The following CTNND2 variants were observed in gnomAD, a reference collection of about 807,000 sequenced individuals.
The protein encoded by CTNND2 is catenin delta 2.
CTNND2 carries 22 observed loss-of-function variants against 144.4 expected under a neutral mutation model. The ratio of observed to expected loss-of-function variants is 0.15; its 90% CI spans 0.11 to 0.22. The LOEUF (loss-of-function observed/expected upper bound fraction) is 0.22, where lower values mean the gene tolerates loss of function less well. CTNND2 is among the 10% of genes least tolerant of loss of function. The pLI, the probability that CTNND2 is intolerant of heterozygous loss-of-function variation, is 1.00. For missense variants in CTNND2, 1,353 were observed against 1,618.8 expected (o/e 0.84, Z 2.82); for synonymous variants, 751 against 695.6 (o/e 1.08, Z -1.25).
intron 3 of CTNND2, among the ~76,000 whole-genome samples, chr5:11,447,087 G>C (rs1381068261): frequency 1.3e-5 from 2 of 152,000 alleles, no homozygotes; most frequent in Middle Eastern, 3.4e-3. Flanking sequence ...CCTTCTATAA[G>C]ACACCTTATC....
At chr5:11,133,921 A>C (rs1338217482) in intron 12 of CTNND2, among the ~76,000 whole-genome samples, 3 of 152,212 alleles carry the variant, frequency 2.0e-5, no homozygotes, top group Non-Finnish European at 2.9e-5. Flanking sequence ...AGAATTCTAA[A>C]GACATCTCTC....
chr5:11,600,827 A>T (rs10059423), intron 2 of CTNND2, among the ~76,000 whole-genome samples: 1 of 151,854 alleles, frequency 6.6e-6, no homozygotes. Context: ...ATAGCACAGA[A>T]ATCAGAAGGT....
At chr5:11,138,605 T>C (rs1756391015) in intron 12 of CTNND2, among the ~76,000 whole-genome samples, 1 of 152,222 alleles carries the variant, frequency 6.6e-6, no homozygotes, top group Admixed American at 6.5e-5. Context: ...GCTTGATACC[T>C]TGTCGGGTCT....
intron 16 of CTNND2, among the ~76,000 whole-genome samples, chr5:11,039,389 T>C (rs952566675): frequency 6.6e-6 from 1 of 152,226 alleles, no homozygotes; most frequent in African/African-American, 2.4e-5. Context: ...CTCATCTTGA[T>C]GCTTTTTCTT....
rs1004361746 is a variant in CTNND2 at position 11,547,444 on chromosome 5, C to A, written c.287+17500G>T. Among the ~76,000 whole-genome samples, 10 of 151,770 alleles carry A rather than the reference C, an allele frequency of 6.6e-5. 1 individual carries two copies. The highest frequency in any genetic ancestry group is 3.9e-4 in the Admixed American group (6 of 15,240). On this transcript the variant is annotated intron_variant, in intron 3 of 21. Transcript: ENST00000304623. ...AAGACTGATCAACCTAACATTAAAA[C>A]CAAGCATTCTATTCATCAAAGGACA...
Position 11,271,898 on chromosome 5 carries a change from A to G in CTNND2, c.1629-35075T>C, listed in dbSNP as rs146066377. Among the ~76,000 whole-genome samples the G allele has an allele frequency of 1.1e-4, 17 of 152,238 alleles. 1 individual carries two copies. Among genetic ancestry groups the G allele is most frequent in the Admixed American group, 5.9e-4 (9 of 15,286 alleles). On this transcript the variant is annotated intron_variant, in intron 9 of 21. Coordinates refer to ENST00000304623, the MANE Select transcript of CTNND2 (RefSeq NM_001332.4). ...ACAACTTTTACTGGGTAGGATACAAATTGTGCATCTTAAGCTACAATTCCC... is the reference window on the plus strand; with the variant it reads ...ACAACTTTTACTGGGTAGGATACAAGTTGTGCATCTTAAGCTACAATTCCC...
chr5:11,855,497 T>C (rs1467644983), intron 1 of CTNND2, among the ~76,000 whole-genome samples: 1 of 152,204 alleles, frequency 6.6e-6, no homozygotes, highest in Non-Finnish European at 1.5e-5. Flanking sequence ...AAAAGCATTT[T>C]TCCTTCCAAT....
At chr5:11,793,917 T>C (rs966491426) in intron 1 of CTNND2, among the ~76,000 whole-genome samples, 2 of 152,276 alleles carry the variant, frequency 1.3e-5, no homozygotes, top group African/African-American at 4.8e-5. Context: ...ACAGTTTTCA[T>C]AGACATAGTA....
chr5:11,902,052 T>C (rs1737940564), intron 1 of CTNND2, among the ~76,000 whole-genome samples: 1 of 152,202 alleles, frequency 6.6e-6, no homozygotes, highest in African/African-American at 2.4e-5. Context: ...CAGTATTCAA[T>C]CAACTTGAGC....
intron 11 of CTNND2, among the ~76,000 whole-genome samples, chr5:11,188,269 C>T (rs1345060446): frequency 6.6e-6 from 1 of 152,052 alleles, no homozygotes; most frequent in Non-Finnish European, 1.5e-5. Context: ...GAATACTATA[C>T]AGCCATAAAA....
At chr5:11,430,754 G>C (rs1268209999) in intron 3 of CTNND2, among the ~76,000 whole-genome samples, 1 of 152,096 alleles carries the variant, frequency 6.6e-6, no homozygotes, top group Non-Finnish European at 1.5e-5. Context: ...TTGGAAGTTG[G>C]GACAGTATTT....
intron 1 of CTNND2, among the ~76,000 whole-genome samples, chr5:11,864,427 A>C (rs893603540): frequency 7.2e-5 from 11 of 152,218 alleles, no homozygotes; most frequent in African/African-American, 2.7e-4. Context: ...TGCAAAACAA[A>C]TATGATCATC....
chr5:11,167,195 G>C (rs1201949550), intron 11 of CTNND2, among the ~76,000 whole-genome samples: 2 of 152,204 alleles, frequency 1.3e-5, no homozygotes, highest in African/African-American at 4.8e-5. Context: ...GCTGATAGGC[G>C]TGGGAGGTGA....
intron 12 of CTNND2, among the ~76,000 whole-genome samples, chr5:11,133,298 C>T (rs1755793612): frequency 6.6e-6 from 1 of 152,076 alleles, no homozygotes; most frequent in Non-Finnish European, 1.5e-5. Flanking sequence ...ACTGTCTTCT[C>T]CCAGTAACTA....
intron 3 of CTNND2, among the ~76,000 whole-genome samples, chr5:11,476,803 T>A (rs1767788894): frequency 6.6e-6 from 1 of 152,192 alleles, no homozygotes; most frequent in Non-Finnish European, 1.5e-5. Flanking sequence ...AAATAATACT[T>A]GACAGCGGCA....
chr5:11,282,207 C>A lies in CTNND2; in HGVS notation c.1629-45384G>T, dbSNP rs183532612. On this transcript the variant is annotated intron_variant, in intron 9 of 21. Transcript: ENST00000304623. The stretch of plus-strand genomic sequence containing the variant: ...AGAATATCAGCACGATCAGTCAATG[C>A]TGTTGGGTATTGGAAAAAAAGCAAT... 2.6e-5 allele frequency among the ~76,000 whole-genome samples: 4 copies of A among 152,252 alleles called. No individual in the cohort carries two copies. The East Asian group carries it at 7.7e-4, about 29-fold the overall frequency.
intron 12 of CTNND2, among the ~76,000 whole-genome samples, chr5:11,132,684 T>A (rs1233062390): frequency 6.6e-6 from 1 of 152,206 alleles, no homozygotes; most frequent in Non-Finnish European, 1.5e-5. Context: ...ACAGTCTTCT[T>A]ACATATTTTC....
At chr5:10,994,876 T>C (rs1739175144) in intron 18 of CTNND2, among the ~76,000 whole-genome samples, 1 of 152,106 alleles carries the variant, frequency 6.6e-6, no homozygotes. Flanking sequence ...CGTGCAGATC[T>C]GGTATCCACA....
intron 1 of CTNND2, among the ~76,000 whole-genome samples, chr5:11,806,008 T>C (rs10061816): frequency 0.1 from 15,134 of 152,094 alleles, 1,786 homozygotes; most frequent in African/African-American, 0.28. Context: ...TCCTATAATA[T>C]GACTGACCAA....
Sources: gnomAD v4.1 joint callset for allele counts (sites outside exome capture counted in the v4.1 genomes callset) on GRCh38, gnomAD v4.1.1 for gene constraint, MANE v1.5 for transcripts, NCBI Gene and HGNC (gene_info 2026-07-23, HGNC 2026-07-21) for gene names.